Variants in R3HDM1 observed in about 807,000 individuals in gnomAD.
R3HDM1 encodes the protein R3H domain containing 1.
A neutral mutation model predicts 141.1 loss-of-function variants in R3HDM1; 46 were observed. That is an observed-to-expected ratio of 0.33 (90% CI 0.26 to 0.42). The LOEUF is 0.42. Among genes scored for constraint, R3HDM1 ranks in the 10% least tolerant of loss-of-function variants. The probability of loss-of-function intolerance (pLI) is 1.00; values close to 1 mark genes in which losing one functional copy is unlikely to be tolerated. For synonymous variants in R3HDM1, 435 were observed against 472.9 expected (o/e 0.92, Z 1.04); for missense variants, 1,184 against 1,368.3 (o/e 0.87, Z 2.12).
chr2:135,578,788 GT>G lies in R3HDM1; in HGVS notation c.-249-23708del, dbSNP rs573275268. On this transcript the variant is annotated intron_variant, in intron 1 of 26. Transcript: ENST00000683871. Reference sequence around the variant, plus strand: ...ATTCTGAAACTGCCTTTTGTGTAAAGTTTTAAAAATAAGTGAATATATTGTA... The same window carrying G: ...ATTCTGAAACTGCCTTTTGTGTAAAGTTTAAAAATAAGTGAATATATTGTA... Among the ~76,000 whole-genome samples the G allele has an allele frequency of 1.1e-4, 16 of 152,302 alleles. No homozygotes were observed. In the East Asian group the frequency reaches 3.1e-3, roughly 29 times the overall value.
intron 2 of R3HDM1, 73 bp from the exon 3 acceptor site, chr2:135,604,733 A>G: frequency 1.8e-6 from 2 of 1,131,106 alleles, no homozygotes; most frequent in Non-Finnish European, 2.6e-6. Flanking sequence ...GGAACATAAC[A>G]GACAGTAGGT....
intron 7 of R3HDM1, among the ~76,000 whole-genome samples, chr2:135,624,621 G>A (rs912931858): frequency 3.3e-5 from 5 of 152,166 alleles, no homozygotes; most frequent in Non-Finnish European, 5.9e-5. Flanking sequence ...GTCTTGAAAT[G>A]CCAGTAGTGC....
intron 1 of R3HDM1, among the ~76,000 whole-genome samples, chr2:135,601,623 A>G (rs1015027157): frequency 6.6e-6 from 1 of 152,240 alleles, no homozygotes; most frequent in Non-Finnish European, 1.5e-5. Flanking sequence ...GAATAAATAT[A>G]AAATAAAACC....
chr2:135,686,533 T>G (rs1326352471), intron 21 of R3HDM1, among the ~76,000 whole-genome samples: 1 of 152,144 alleles, frequency 6.6e-6, no homozygotes, highest in Non-Finnish European at 1.5e-5. Context: ...CCCAGGAGTT[T>G]GAGACCAGCC....
At chr2:135,707,315 G>A (rs6430583) in intron 21 of R3HDM1, among the ~76,000 whole-genome samples, 147,810 of 152,310 alleles carry the variant, frequency 0.97, 71,861 homozygotes, top group Middle Eastern at 1. Context: ...ACTGACTTCT[G>A]TGCTTTCTTT....
intron 1 of R3HDM1, among the ~76,000 whole-genome samples, chr2:135,592,069 C>T (rs1478363409): frequency 6.6e-6 from 1 of 152,236 alleles, no homozygotes; most frequent in Non-Finnish European, 1.5e-5. Context: ...TATCCAGCCT[C>T]ACTTCCTTCC....
chr2:135,568,418 C>T (rs1703288325), intron 1 of R3HDM1, among the ~76,000 whole-genome samples: 1 of 151,564 alleles, frequency 6.6e-6, no homozygotes, highest in Non-Finnish European at 1.5e-5. Flanking sequence ...TGTGTAATCT[C>T]CGCTCACTGC....
intron 19 of R3HDM1, chr2:135,670,154 A>AC (rs1315239826): frequency 3.1e-5 from 10 of 325,156 alleles, no homozygotes; most frequent in African/African-American, 2.3e-4. Flanking sequence ...AAAAAAAAAA[A>AC]AAAACCAACA....
intron 21 of R3HDM1, among the ~76,000 whole-genome samples, chr2:135,699,954 A>T (rs1201804866): frequency 1.3e-5 from 2 of 152,326 alleles, no homozygotes; most frequent in East Asian, 3.9e-4. Flanking sequence ...AGTTAGCAAT[A>T]CTGTGCATAG....
chr2:135,645,528 G>GTGC lies in R3HDM1; in HGVS notation c.1623+2_1623+4dup. Reference sequence around the variant, plus strand: ...AGCAGCTAATCACATTTTCTCACAGGTGCACATATCCATGATTACATAATG... The same window carrying GTGC: ...AGCAGCTAATCACATTTTCTCACAGGTGCTGCACATATCCATGATTACATAATG... On this transcript the variant is annotated splice_donor_variant, in intron 16 of 26. Transcript: ENST00000683871. LOFTEE classifies it high-confidence loss of function. 1 of 1,613,236 alleles carries GTGC rather than the reference G, an allele frequency of 6.2e-7. No individual in the cohort carries two copies. The highest frequency in any genetic ancestry group is 8.5e-7 in the Non-Finnish European group (1 of 1,179,688).
intron 21 of R3HDM1, among the ~76,000 whole-genome samples, chr2:135,701,056 C>G (rs2074129427): frequency 6.6e-6 from 1 of 152,052 alleles, no homozygotes; most frequent in African/African-American, 2.4e-5. Context: ...TAACAATATA[C>G]TGTAAGAAAA....
intron 23 of R3HDM1, among the ~76,000 whole-genome samples, chr2:135,711,895 G>T (rs988583377): frequency 6.7e-6 from 1 of 149,246 alleles, no homozygotes; most frequent in Non-Finnish European, 1.5e-5. Flanking sequence ...GGAGGCAGAG[G>T]TTGCAGTGAT....
At chr2:135,535,801 C>T (rs1695976037) in intron 1 of R3HDM1, among the ~76,000 whole-genome samples, 1 of 152,144 alleles carries the variant, frequency 6.6e-6, no homozygotes, top group Non-Finnish European at 1.5e-5. Flanking sequence ...GACTGTATAT[C>T]ATTTCCAGAA....
At chr2:135,657,054 C>T (rs893757805) in intron 18 of R3HDM1, among the ~76,000 whole-genome samples, 1 of 151,006 alleles carries the variant, frequency 6.6e-6, no homozygotes, top group African/African-American at 2.4e-5. Context: ...GAGCTGAGAT[C>T]GTGCCACTGC....
intron 18 of R3HDM1, among the ~76,000 whole-genome samples, chr2:135,657,577 G>C (rs1346469583): frequency 6.6e-6 from 1 of 152,054 alleles, no homozygotes; most frequent in African/African-American, 2.4e-5. Flanking sequence ...GTGATTCTTG[G>C]CTAAAAACTA....
intron 2 of R3HDM1, among the ~76,000 whole-genome samples, chr2:135,603,478 A>G (rs976360592): frequency 6.6e-6 from 1 of 152,166 alleles, no homozygotes; most frequent in Non-Finnish European, 1.5e-5. Flanking sequence ...CCTTGATTTC[A>G]CCAGTAACAT....
At chr2:135,659,510 T>C (rs1177868921) in intron 18 of R3HDM1, among the ~76,000 whole-genome samples, 1 of 151,882 alleles carries the variant, frequency 6.6e-6, no homozygotes, top group Non-Finnish European at 1.5e-5. Context: ...CAATCACTGC[T>C]CACTGCAGCT....
chr2:135,653,217 G>A (rs527966963), intron 18 of R3HDM1, among the ~76,000 whole-genome samples: 4 of 151,972 alleles, frequency 2.6e-5, no homozygotes, highest in South Asian at 2.1e-4. Flanking sequence ...TTAGCTGGGC[G>A]TGGTGGTGCA....
chr2:135,630,286 AAAAAAAAAAAAAAAAAAAAAAAC>A (rs1342787052), intron 7 of R3HDM1, among the ~76,000 whole-genome samples: 1 of 141,654 alleles, frequency 7.1e-6, no homozygotes, highest in South Asian at 2.1e-4. Flanking sequence ...TCAACCAAAA[AAAAAAAAAAAAAAAAAAAAAAAC>A]AAAAAAAAAA....
Sources: allele counts gnomAD v4.1 joint callset (sites outside exome capture counted in the v4.1 genomes callset), GRCh38; gene constraint gnomAD v4.1.1; transcripts MANE v1.5; gene names NCBI Gene and HGNC (gene_info 2026-07-23, HGNC 2026-07-21).